The following RBFOX1 variants were observed in gnomAD, a reference collection of about 807,000 sequenced individuals.
RBFOX1 encodes RNA binding fox-1 homolog 1.
A neutral mutation model predicts 57.7 loss-of-function variants in RBFOX1; 8 were observed. The ratio of observed to expected loss-of-function variants is 0.14; its 90% CI spans 0.08 to 0.25. The LOEUF (loss-of-function observed/expected upper bound fraction) is 0.25, where lower values mean the gene tolerates loss of function less well. RBFOX1 is among the 10% of genes least tolerant of loss of function. The pLI, the probability that RBFOX1 is intolerant of heterozygous loss-of-function variation, is 1.00. For synonymous variants in RBFOX1, 326 were observed against 222.4 expected (o/e 1.47, Z -4.15); for missense variants, 611 against 548.5 (o/e 1.11, Z -1.14).
At chr16:5,790,603 C>G (rs924142733) in intron 3 of RBFOX1, among the ~76,000 whole-genome samples, 3 of 151,886 alleles carry the variant, frequency 2.0e-5, no homozygotes, top group Non-Finnish European at 4.4e-5. Flanking sequence ...GGGGTTTGAT[C>G]CTGGGCCTAC....
chr16:6,900,604 G>C (rs529284280), intron 3 of RBFOX1, among the ~76,000 whole-genome samples: 1 of 152,142 alleles, frequency 6.6e-6, no homozygotes, highest in Admixed American at 6.5e-5. Flanking sequence ...GCAATGTGCT[G>C]AGTGTCACAG....
chr16:7,151,608 G>A (rs1324560091), intron 4 of RBFOX1, among the ~76,000 whole-genome samples: 3 of 152,142 alleles, frequency 2.0e-5, no homozygotes, highest in African/African-American at 7.2e-5. Flanking sequence ...TGGAGGGAAT[G>A]ATTTCAGGAT....
At chr16:7,399,310 G>T (rs1471671002) in intron 4 of RBFOX1, among the ~76,000 whole-genome samples, 3 of 151,392 alleles carry the variant, frequency 2.0e-5, no homozygotes, top group African/African-American at 7.4e-5. Flanking sequence ...AGCCAAGTGC[G>T]ATGGCGCATG....
At chr16:7,312,102 G>A (rs549083577) in intron 4 of RBFOX1, among the ~76,000 whole-genome samples, 2 of 152,342 alleles carry the variant, frequency 1.3e-5, no homozygotes, top group Non-Finnish European at 2.9e-5. Flanking sequence ...AGGAAGGGCC[G>A]GGCGCAGTGG....
chr16:6,378,526 C>A (rs937807507), intron 2 of RBFOX1, among the ~76,000 whole-genome samples: 1 of 152,222 alleles, frequency 6.6e-6, no homozygotes, highest in Non-Finnish European at 1.5e-5. Flanking sequence ...ACACAGCCAT[C>A]TCCTGGCTGG....
At chr16:5,669,665 G>T (rs2049958401) in intron 3 of RBFOX1, among the ~76,000 whole-genome samples, 2 of 152,098 alleles carry the variant, frequency 1.3e-5, no homozygotes, top group South Asian at 2.1e-4. Flanking sequence ...TGATCTGCCT[G>T]CCTTGGCCAC....
At position 5,552,238 on chromosome 16, in the gene RBFOX1, C is replaced by A. The variant is rs529540040; in HGVS notation, c.259-46664C>A. Among the ~76,000 whole-genome samples the A allele has an allele frequency of 2.6e-5, 4 of 152,262 alleles. No individual in the cohort carries two copies. In the South Asian group the frequency reaches 8.3e-4, roughly 32 times the overall value. ...CCCAGCCCTTGGGGATGATTCTTTT[C>A]CCCTGGGTTAAGAGTGGTTTATTAT... On this transcript the variant is annotated intron_variant, in intron 2 of 2. Transcript: ENST00000585867.
At chr16:5,488,039 GTGA>G (rs1567153293) in intron 2 of RBFOX1, among the ~76,000 whole-genome samples, 3 of 152,208 alleles carry the variant, frequency 2.0e-5, no homozygotes, top group Non-Finnish European at 2.9e-5. Flanking sequence ...GGTGCTGGTG[GTGA>G]TGATGATGGT....
At chr16:6,706,001 G>T (rs1255911952) in intron 3 of RBFOX1, among the ~76,000 whole-genome samples, 2 of 152,158 alleles carry the variant, frequency 1.3e-5, no homozygotes, top group Admixed American at 6.6e-5. Flanking sequence ...CTGGGTGAAA[G>T]AGCAAGACTC....
At chr16:7,443,694 C>T (rs1191940153) in intron 4 of RBFOX1, among the ~76,000 whole-genome samples, 1 of 152,168 alleles carries the variant, frequency 6.6e-6, no homozygotes, top group African/African-American at 2.4e-5. Context: ...CTACTTTTCA[C>T]AAACTTGAAA....
At chr16:5,879,583 G>A (rs2057710275) in intron 4 of RBFOX1, among the ~76,000 whole-genome samples, 2 of 152,108 alleles carry the variant, frequency 1.3e-5, no homozygotes, top group Admixed American at 1.3e-4. Context: ...GCCTCTTTTG[G>A]CCTCCCAAAG....
chr16:5,709,749 TACACC>T (rs2051382777), intron 3 of RBFOX1, among the ~76,000 whole-genome samples: 1 of 140,442 alleles, frequency 7.1e-6, no homozygotes, highest in Non-Finnish European at 1.5e-5. Context: ...ATGAGATCTT[TACACC>T]AATATCTCCC....
intron 4 of RBFOX1, among the ~76,000 whole-genome samples, chr16:7,197,559 C>G (rs1258734863): frequency 6.6e-6 from 1 of 151,404 alleles, no homozygotes; most frequent in Admixed American, 6.6e-5. Flanking sequence ...CATTACCAAG[C>G]AATTCCACTT....
At chr16:7,559,329 C>G (rs936338783) in intron 5 of RBFOX1, among the ~76,000 whole-genome samples, 1 of 152,116 alleles carries the variant, frequency 6.6e-6, no homozygotes, top group African/African-American at 2.4e-5. Flanking sequence ...CTCTCTCTTT[C>G]TCACCTAGTC....
chr16:7,244,050 G>C (rs1256941146), intron 4 of RBFOX1, among the ~76,000 whole-genome samples: 1 of 151,608 alleles, frequency 6.6e-6, no homozygotes, highest in Non-Finnish European at 1.5e-5. Flanking sequence ...TGTTTTCACA[G>C]CAAGATTAAA....
intron 4 of RBFOX1, among the ~76,000 whole-genome samples, chr16:7,220,859 C>T (rs1437550452): frequency 6.6e-6 from 1 of 152,032 alleles, no homozygotes; most frequent in Non-Finnish European, 1.5e-5. Flanking sequence ...AACATCCCAT[C>T]CTACTTTCTG....
intron 9 of RBFOX1, among the ~76,000 whole-genome samples, chr16:7,603,662 C>T (rs1482439296): frequency 1.3e-5 from 2 of 151,842 alleles, no homozygotes; most frequent in East Asian, 1.9e-4. Flanking sequence ...CTTTGATATA[C>T]GGTGGTCTTG....
chr16:7,144,684 C>T (rs185838325), intron 4 of RBFOX1, among the ~76,000 whole-genome samples: 1 of 152,216 alleles, frequency 6.6e-6, no homozygotes, highest in East Asian at 1.9e-4. Flanking sequence ...GGTTTTCACT[C>T]TGCAGAGCAG....
chr16:5,989,724 T>C (rs2060354238), intron 4 of RBFOX1, among the ~76,000 whole-genome samples: 1 of 152,006 alleles, frequency 6.6e-6, no homozygotes, highest in South Asian at 2.1e-4. Flanking sequence ...CTCATTTGTC[T>C]CGCTTCTGGG....
Sources: gnomAD v4.1 joint callset for allele counts (sites outside exome capture counted in the v4.1 genomes callset) on GRCh38, gnomAD v4.1.1 for gene constraint, MANE v1.5 for transcripts, NCBI Gene and HGNC (gene_info 2026-07-23, HGNC 2026-07-21) for gene names.